The following APBB2 variants were observed in gnomAD, a reference collection of about 807,000 sequenced individuals.
APBB2 encodes the protein Fe65-like 1.
APBB2 carries 38 observed loss-of-function variants against 82.5 expected under a neutral mutation model. The ratio of observed to expected loss-of-function variants is 0.46; its 90% CI spans 0.36 to 0.60. The LOEUF (loss-of-function observed/expected upper bound fraction) is 0.60, where lower values mean the gene tolerates loss of function less well. Ranked by LOEUF, APBB2 falls within the 20% of genes least tolerant of loss-of-function variation. The probability of loss-of-function intolerance (pLI) is 0.00; values close to 1 mark genes in which losing one functional copy is unlikely to be tolerated. For synonymous variants in APBB2, 341 were observed against 368.2 expected, an observed-to-expected ratio of 0.93 and a Z score of 0.85; for missense variants, 772 against 972.3, an observed-to-expected ratio of 0.79 and a Z score of 2.74.
chr4:40,906,282 C>G (rs981429633), intron 10 of APBB2, among the ~76,000 whole-genome samples: 12 of 151,406 alleles, frequency 7.9e-5, no homozygotes, highest in African/African-American at 2.7e-4. Context: ...TGGCAAGACC[C>G]TGTTTCTACA....
intron 1 of APBB2, among the ~76,000 whole-genome samples, chr4:41,206,977 C>T (rs574623661): frequency 6.6e-6 from 1 of 152,076 alleles, no homozygotes; most frequent in East Asian, 1.9e-4. Context: ...GCGGGCAGAT[C>T]ACTTGAGGTC....
intron 12 of APBB2, among the ~76,000 whole-genome samples, chr4:40,874,932 T>A (rs564392010): frequency 6.6e-6 from 1 of 152,270 alleles, no homozygotes; most frequent in Admixed American, 6.5e-5. Context: ...ACAAACAGCG[T>A]TTTAAAAGTT....
chr4:40,947,047 A>G (rs916708548), intron 6 of APBB2, among the ~76,000 whole-genome samples: 4 of 152,214 alleles, frequency 2.6e-5, no homozygotes, highest in African/African-American at 9.6e-5. Flanking sequence ...ATAATTAAAT[A>G]ATTTCAAGTT....
intron 6 of APBB2, among the ~76,000 whole-genome samples, chr4:40,951,491 C>T (rs192963646): frequency 1.4e-4 from 21 of 152,360 alleles, no homozygotes; most frequent in Admixed American, 1.2e-3. Context: ...TCTGCGAAGA[C>T]GCGATACGGC....
chr4:40,977,693 A>G (rs1797528365), intron 6 of APBB2, among the ~76,000 whole-genome samples: 1 of 152,226 alleles, frequency 6.6e-6, no homozygotes, highest in Non-Finnish European at 1.5e-5. Context: ...AGAGTCACAC[A>G]CATATAAAAC....
chr4:40,840,414 G>T (rs1392815592), intron 12 of APBB2, among the ~76,000 whole-genome samples: 1 of 152,140 alleles, frequency 6.6e-6, no homozygotes, highest in Admixed American at 6.5e-5. Flanking sequence ...ATCAGGAAGC[G>T]AAAGTACGTA....
chr4:40,849,137 G>T (rs562059761), intron 12 of APBB2, among the ~76,000 whole-genome samples: 3 of 152,198 alleles, frequency 2.0e-5, no homozygotes, highest in Admixed American at 2.0e-4. Context: ...GAGTTGGCTG[G>T]ATTCCTTTTT....
chr4:41,072,567 C>T (rs567925076), intron 3 of APBB2, among the ~76,000 whole-genome samples: 7 of 152,290 alleles, frequency 4.6e-5, no homozygotes, highest in East Asian at 1.9e-4. Context: ...GCACAGGGCA[C>T]GGCCTCTGAA....
chr4:40,971,131 T>TG (rs879010507), intron 6 of APBB2, among the ~76,000 whole-genome samples: 3 of 152,348 alleles, frequency 2.0e-5, no homozygotes, highest in South Asian at 4.1e-4. Flanking sequence ...ATCTTCTTAT[T>TG]GCTCAGTAGA....
intron 13 of APBB2, among the ~76,000 whole-genome samples, chr4:40,829,367 G>T (rs978957318): frequency 6.6e-6 from 1 of 152,186 alleles, no homozygotes; most frequent in African/African-American, 2.4e-5. Flanking sequence ...CTGCAGAGAC[G>T]GGGGTGGTGG....
At chr4:41,012,878 C>T (rs1808791537) in intron 6 of APBB2, among the ~76,000 whole-genome samples, 1 of 152,178 alleles carries the variant, frequency 6.6e-6, no homozygotes, top group African/African-American at 2.4e-5. Context: ...AAGTAGCTGA[C>T]TTTTAGGATC....
intron 6 of APBB2, among the ~76,000 whole-genome samples, chr4:40,997,180 C>G (rs1321497733): frequency 1.3e-5 from 2 of 152,264 alleles, no homozygotes; most frequent in African/African-American, 4.8e-5. Context: ...ATATAAACCC[C>G]TAAGTTTAGT....
chr4:41,090,867 T>C (rs964719871), intron 3 of APBB2, among the ~76,000 whole-genome samples: 7 of 152,162 alleles, frequency 4.6e-5, no homozygotes, highest in African/African-American at 9.7e-5. Flanking sequence ...AGGGCTCATA[T>C]GTGAGCAGAA....
intron 2 of APBB2, among the ~76,000 whole-genome samples, chr4:41,126,111 G>A: frequency 6.6e-6 from 1 of 152,008 alleles, no homozygotes; most frequent in Non-Finnish European, 1.5e-5. Context: ...CAGGCACAGT[G>A]GTTCACACCT....
At chr4:40,971,790 TTTTGC>T (rs2154398538) in intron 6 of APBB2, among the ~76,000 whole-genome samples, 1 of 152,318 alleles carries the variant, frequency 6.6e-6, no homozygotes, top group African/African-American at 2.4e-5. Context: ...GTGGCAGATA[TTTTGC>T]TTTAACATTA....
rs779472335 is a variant in APBB2, at chr4:41,071,460, T to C, written c.-148-5787A>G. Among the ~76,000 whole-genome samples the C allele has an allele frequency of 5.5e-4, 83 of 152,260 alleles. 1 individual carries two copies. The highest frequency in any genetic ancestry group is 2.4e-4 in the Non-Finnish European group (16 of 68,006). On this transcript the variant is annotated intron_variant, in intron 3 of 17. Transcript: ENST00000508593. ...CTTTGGGAGGCCAAGGCAGGCAGAT[T>C]ACCTGAGGTCAGGAGCTCGAGACCA...
At chr4:41,046,644 C>G (rs1044079988) in intron 4 of APBB2, among the ~76,000 whole-genome samples, 5 of 152,082 alleles carry the variant, frequency 3.3e-5, no homozygotes. Context: ...AAGGATCTTG[C>G]TAAATGGGCC....
At chr4:40,915,061 T>G (rs1371239546) in intron 10 of APBB2, among the ~76,000 whole-genome samples, 2 of 152,234 alleles carry the variant, frequency 1.3e-5, no homozygotes, top group Non-Finnish European at 2.9e-5. Flanking sequence ...GGACATTGCC[T>G]GCTGTGAAAT....
chr4:40,833,949 T>C (rs1408898304), intron 12 of APBB2, among the ~76,000 whole-genome samples: 1 of 152,204 alleles, frequency 6.6e-6, no homozygotes, highest in Non-Finnish European at 1.5e-5. Context: ...AGTTCTTTCA[T>C]AGGCAGCCTT....
Sources: gnomAD v4.1 joint callset for allele counts (sites outside exome capture counted in the v4.1 genomes callset) on GRCh38, gnomAD v4.1.1 for gene constraint, MANE v1.5 for transcripts, NCBI Gene and HGNC (gene_info 2026-07-23, HGNC 2026-07-21) for gene names.